The following SLC14A2 variants were observed in gnomAD, a reference collection of about 807,000 sequenced individuals.
SLC14A2 encodes solute carrier family 14 member 2, also known as urea transporter 2.
In SLC14A2, 91 loss-of-function variants were observed where a neutral mutation model predicts 104.6. The ratio of observed to expected loss-of-function variants is 0.87; its 90% CI spans 0.73 to 1.04. The LOEUF (loss-of-function observed/expected upper bound fraction) is 1.04, where lower values mean the gene tolerates loss of function less well. Ranked by LOEUF, SLC14A2 falls within the 50% of genes least tolerant of loss-of-function variation. The pLI, the probability that SLC14A2 is intolerant of heterozygous loss-of-function variation, is 0.00. For missense variants in SLC14A2, 1,189 were observed against 1,156.0 expected, an observed-to-expected ratio of 1.03 and a Z score of -0.41; for synonymous variants, 476 against 466.4, an observed-to-expected ratio of 1.02 and a Z score of -0.27.
intron 1 of SLC14A2, among the ~76,000 whole-genome samples, chr18:45,302,984 G>A (rs557020227): frequency 1.3e-5 from 2 of 152,062 alleles, no homozygotes; most frequent in East Asian, 1.9e-4. Context: ...AGGGTCTTAG[G>A]TTGTGGTTGA....
At chr18:45,295,500 G>A (rs2084910385) in intron 1 of SLC14A2, among the ~76,000 whole-genome samples, 1 of 152,054 alleles carries the variant, frequency 6.6e-6, no homozygotes, top group South Asian at 2.1e-4. Flanking sequence ...TTCCACCGCT[G>A]AAGAGGAGAA....
intron 1 of SLC14A2, among the ~76,000 whole-genome samples, chr18:45,229,934 T>A (rs925096017): frequency 6.6e-6 from 1 of 152,028 alleles, no homozygotes; most frequent in African/African-American, 2.4e-5. Context: ...CTACACAGCC[T>A]TGGGCAAGTC....
chr18:45,313,238 C>T (rs752151777), intron 1 of SLC14A2, among the ~76,000 whole-genome samples: 1 of 152,152 alleles, frequency 6.6e-6, no homozygotes, highest in South Asian at 2.1e-4. Flanking sequence ...AAGAGGGGGA[C>T]TAGATGCCCA....
chr18:45,665,785 C>G (rs894214163), intron 11 of SLC14A2, among the ~76,000 whole-genome samples: 2 of 139,780 alleles, frequency 1.4e-5, no homozygotes. Context: ...GCACAAGTCA[C>G]TGTCTCTCCA....
chr18:45,237,786 A>G (rs1176211836), intron 1 of SLC14A2, among the ~76,000 whole-genome samples: 2 of 152,192 alleles, frequency 1.3e-5, no homozygotes, highest in East Asian at 1.9e-4. Context: ...GGCTGACAGT[A>G]AGACCAGGGG....
intron 1 of SLC14A2, among the ~76,000 whole-genome samples, chr18:45,363,849 C>G (rs2085639772): frequency 6.6e-6 from 1 of 152,124 alleles, no homozygotes; most frequent in African/African-American, 2.4e-5. Flanking sequence ...AAAGTCACCT[C>G]CTCAGGCCTC....
At chr18:45,499,765 C>T (rs1308165564) in intron 2 of SLC14A2, among the ~76,000 whole-genome samples, 1 of 152,138 alleles carries the variant, frequency 6.6e-6, no homozygotes, top group Non-Finnish European at 1.5e-5. Context: ...GACCTGGGTC[C>T]ATGTCCCAGT....
intron 1 of SLC14A2, among the ~76,000 whole-genome samples, chr18:45,240,641 GT>G (rs1231196775): frequency 1.4e-5 from 2 of 141,212 alleles, no homozygotes; most frequent in Admixed American, 6.9e-5. Flanking sequence ...TTTTTTTTTT[GT>G]TTTTTTTGTT....
chr18:45,275,782 T>C (rs1310649378), intron 1 of SLC14A2, among the ~76,000 whole-genome samples: 3 of 152,194 alleles, frequency 2.0e-5, no homozygotes, highest in Non-Finnish European at 4.4e-5. Context: ...TGATCAGTTG[T>C]TTACTATTTG....
rs371242164 is a variant in SLC14A2, at chr18:45,269,239, C to T, written c.-125+56048C>T. On this transcript the variant is annotated intron_variant, in intron 1 of 20. Transcript: ENST00000586448. ...TCAGTTGTGCTAGGAAGATTCTTCT[C>T]ACGTGGTTGGTGCCTAAAGGACATT... Among the ~76,000 whole-genome samples, 8 of 152,150 alleles carry T rather than the reference C, an allele frequency of 5.3e-5. No individual in the cohort carries two copies. The East Asian group carries it at 5.8e-4, about 11-fold the overall frequency.
At chr18:45,610,606 A>C (rs1337393624), upstream of SLC14A2, among the ~76,000 whole-genome samples, 18 of 152,172 alleles carry the variant, frequency 1.2e-4, no homozygotes, top group Admixed American at 1.2e-3. Flanking sequence ...CAAGGCTGTA[A>C]CTGAACTAAA....
At chr18:45,223,002 G>C (rs183094060) in intron 1 of SLC14A2, among the ~76,000 whole-genome samples, 2 of 152,274 alleles carry the variant, frequency 1.3e-5, no homozygotes, top group Admixed American at 1.3e-4. Context: ...GGGTGTGAGG[G>C]CTGCCATCTT....
chr18:45,176,011 A>C, the SLC14A2 span, among the ~76,000 whole-genome samples: 3 of 152,188 alleles, frequency 2.0e-5, no homozygotes, highest in African/African-American at 7.2e-5. Context: ...ATTCATGTGA[A>C]GAAACGGAAT....
chr18:45,264,638 G>A (rs773765925), intron 1 of SLC14A2, among the ~76,000 whole-genome samples: 6 of 152,136 alleles, frequency 3.9e-5, no homozygotes, highest in Non-Finnish European at 5.9e-5. Context: ...ACAGGCCTGG[G>A]AGAATGAGAG....
At chr18:45,403,459 G>A (rs1167343444) in intron 1 of SLC14A2, among the ~76,000 whole-genome samples, 1 of 152,112 alleles carries the variant, frequency 6.6e-6, no homozygotes, top group Non-Finnish European at 1.5e-5. Context: ...GACAACAATG[G>A]TGCTCCATCG....
At position 45,491,421 on chromosome 18, in the gene SLC14A2, T is replaced by A. The variant is rs557034016; in HGVS notation, c.-35+8099T>A. ...TTCAGACATATGCATAATAGAAGCATAAAAACACAGAATGCATGCAAGTTC... is the reference window on the plus strand; with the variant it reads ...TTCAGACATATGCATAATAGAAGCAAAAAAACACAGAATGCATGCAAGTTC... On this transcript the variant is annotated intron_variant, in intron 2 of 20. Transcript: ENST00000586448. 2.0e-5 allele frequency among the ~76,000 whole-genome samples: 3 copies of A among 152,218 alleles called. No homozygotes were observed. In the South Asian group the frequency reaches 6.2e-4, roughly 32 times the overall value.
intron 2 of SLC14A2, among the ~76,000 whole-genome samples, chr18:45,502,945 A>G (rs1411107626): frequency 6.6e-6 from 1 of 151,918 alleles, no homozygotes; most frequent in Non-Finnish European, 1.5e-5. Context: ...TGATCAATAA[A>G]ATATTTTCTT....
At chr18:45,227,831 T>C (rs1162865787) in intron 1 of SLC14A2, among the ~76,000 whole-genome samples, 3 of 152,218 alleles carry the variant, frequency 2.0e-5, no homozygotes, top group Non-Finnish European at 4.4e-5. Context: ...TCCACACTCC[T>C]GTCAGCCCCA....
At chr18:45,307,663 T>C (rs1175726885) in intron 1 of SLC14A2, among the ~76,000 whole-genome samples, 1 of 152,168 alleles carries the variant, frequency 6.6e-6, no homozygotes, top group East Asian at 1.9e-4. Context: ...CATACTCTTC[T>C]ACTTTCTGTA....
Sources: allele counts gnomAD v4.1 joint callset (sites outside exome capture counted in the v4.1 genomes callset), GRCh38; gene constraint gnomAD v4.1.1; transcripts MANE v1.5; gene names NCBI Gene and HGNC (gene_info 2026-07-23, HGNC 2026-07-21).